The following CA5B variants were observed in gnomAD, a reference collection of about 807,000 sequenced individuals.
The protein encoded by CA5B is carbonic anhydrase 5B, also known as carbonic anhydrase 5B, mitochondrial.
Under a neutral mutation model 23.1 loss-of-function variants are expected in CA5B, and 15 were observed. That is an observed-to-expected ratio of 0.65 (90% CI 0.43 to 1.00). CA5B has a LOEUF of 1.00. Among genes scored for constraint, CA5B ranks in the 50% least tolerant of loss-of-function variants. The pLI, the probability that CA5B is intolerant of heterozygous loss-of-function variation, is 0.00. For synonymous variants in CA5B, 84 were observed against 98.5 expected (o/e 0.85, Z 0.87); for missense variants, 236 against 252.2 (o/e 0.94, Z 0.43).
At position 15,750,038 on chromosome X, in the gene CA5B, C is replaced by T. The variant is rs777433637; in HGVS notation, c.15C>T (p.Asn5=). 8 of 1,205,666 alleles carry T rather than the reference C, an allele frequency of 6.6e-6. No homozygotes were observed. The highest frequency in any genetic ancestry group is 2.3e-4 in the Middle Eastern group (1 of 4,345). Residue 5 remains asparagine, a synonymous_variant, in exon 2 of 8, where the codon AAC becomes AAT. Transcript: ENST00000318636. The part of the protein sequence containing the change: MVVM[N]SLRVILQASP... Reference sequence around the variant, plus strand: ...TCAAGCTAAAGATGGTGGTGATGAACAGCCTGAGGGTCATTCTTCAAGCCT... The same window carrying T: ...TCAAGCTAAAGATGGTGGTGATGAATAGCCTGAGGGTCATTCTTCAAGCCT...
chrX:15,772,679 T>C (rs910594280), intron 4 of CA5B, 65 bp downstream of exon 4: 3 of 591,013 alleles, frequency 5.1e-6, no homozygotes, highest in South Asian at 3.7e-5. Flanking sequence ...GAACTTTTAG[T>C]TGTAAGACAT....
chrX:15,760,322 T>A (rs1214816184), intron 2 of CA5B, among the ~76,000 whole-genome samples: 1 of 110,571 alleles, frequency 9.0e-6, no homozygotes, highest in Non-Finnish European at 1.9e-5. Context: ...TGGCAAAAAA[T>A]TGGCTTCAGT....
chrX:15,766,872 C>A, intron 3 of CA5B: 1 of 295,466 alleles, frequency 3.4e-6, no homozygotes, highest in Non-Finnish European at 6.5e-6. Context: ...TTTATTATAC[C>A]CCTCATCATG....
chrX:15,750,030 G>A lies in CA5B; in HGVS notation c.7G>A (p.Val3Met), dbSNP rs150225380. 11 of 1,207,762 alleles carry A rather than the reference G, an allele frequency of 9.1e-6. No homozygotes were observed. The highest frequency in any genetic ancestry group is 2.2e-5 in the Admixed American group (1 of 45,371). Residue 3 changes from valine (V) to methionine (M), a missense_variant, in exon 2 of 8, where the codon GTG becomes ATG. This residue lies in a region of CA5B where 54 missense variants were observed against 46.6 expected (regional missense o/e 1.16). Coordinates refer to ENST00000318636, the MANE Select transcript of CA5B (RefSeq NM_007220.4). Reference protein sequence around the residue: MVVMNSLRVILQA... With the variant: MVMMNSLRVILQA... The stretch of plus-strand genomic sequence containing the variant: ...TCAAGATTTCAAGCTAAAGATGGTG[G>A]TGATGAACAGCCTGAGGGTCATTCT...
intron 1 of CA5B, among the ~76,000 whole-genome samples, chrX:15,744,898 G>A (rs1467129610): frequency 1.8e-5 from 2 of 111,043 alleles, no homozygotes. Context: ...GGCCAGGCAC[G>A]GTGGCTCATG....
At chrX:15,775,157 CAGGT>C (rs1391398571) in intron 5 of CA5B, 85 bp from the exon 6 acceptor site, 1 of 610,878 alleles carries the variant, frequency 1.6e-6, no homozygotes, top group Non-Finnish European at 2.5e-6. Context: ...ATGTAATCAC[CAGGT>C]AGTTAATTTT....
rs983271674 is a variant in CA5B at position 15,786,530 on chromosome X, G to T, written c.*3866G>T. 9.0e-6 allele frequency: 1 copy of T among 110,913 alleles called. No homozygotes were observed. The highest frequency in any genetic ancestry group is 1.9e-5 in the Non-Finnish European group (1 of 53,003). 9.1% of individuals were successfully genotyped at this position (110,913 alleles called of 1,213,427 possible). On this transcript the variant is annotated 3_prime_UTR_variant, in exon 8 of 8. Transcript: ENST00000318636. ...TCCTAGACATAAAGGTGGAAAATGG[G>T]CCTAAGGTCTGTCAAAGGTCTTGGA...
chrX:15,757,358 A>T (rs1476165396), intron 2 of CA5B, among the ~76,000 whole-genome samples: 2 of 112,071 alleles, frequency 1.8e-5, no homozygotes. Flanking sequence ...CTACTAAAAA[A>T]TAGAAAAATT....
At chrX:15,771,552 G>A (rs1931820792) in intron 3 of CA5B, among the ~76,000 whole-genome samples, 2 of 107,394 alleles carry the variant, frequency 1.9e-5, no homozygotes, top group Admixed American at 2.0e-4. Context: ...TCAGCCACCT[G>A]AGTAGCTGGG....
chrX:15,756,346 T>C (rs962286895), intron 2 of CA5B, among the ~76,000 whole-genome samples: 2 of 112,282 alleles, frequency 1.8e-5, no homozygotes, highest in African/African-American at 6.5e-5. Flanking sequence ...CTGTGCCTTG[T>C]ACCAAGTAAA....
Position 15,772,607 on chromosome X carries a change from C to G in CA5B, c.452C>G (p.Pro151Arg). Residue 151 changes from proline (P) to arginine (R), a missense_variant, in exon 4 of 8, where the codon CCA becomes CGA. By Grantham distance (103) the Pro-to-Arg change is moderately radical (BLOSUM62 -2). Around this residue, in one of 3 missense-constraint regions of CA5B, gnomAD observed 170 missense variants for 162.0 expected, o/e 1.05. Transcript: ENST00000318636. ...SEHTVDSKCF[P>R]AELHLVHWNA... ...CACACCGTGGACAGCAAATGCTTCC[C>G]AGCAGAGGTATGTTGAGAAGGTCAG... 8.7e-7 allele frequency: 1 copy of G among 1,152,951 alleles called. No homozygotes were observed. The highest frequency in any genetic ancestry group is 1.8e-5 in the South Asian group (1 of 54,186).
At chrX:15,745,719 T>TC (rs992826521) in intron 1 of CA5B, 1 of 111,646 alleles carries the variant, frequency 9.0e-6, no homozygotes, top group Non-Finnish European at 1.9e-5. Context: ...AGGCAAGCTT[T>TC]CCCCATATCT....
chrX:15,754,467 T>C lies in CA5B; in HGVS notation c.142+4302T>C, dbSNP rs765858905. ...AGGTCAGCCCTGTGCTCTGTGCTCA[T>C]CATATCTTTGAATCTTTGGCTGTCA... On this transcript the variant is annotated intron_variant, in intron 2 of 7. Coordinates refer to ENST00000318636, the MANE Select transcript of CA5B (RefSeq NM_007220.4). 7.1e-5 allele frequency among the ~76,000 whole-genome samples: 8 copies of C among 112,822 alleles called. No individual in the cohort carries two copies. The South Asian group carries it at 2.9e-3, about 41-fold the overall frequency.
At chrX:15,747,808 C>T (rs149446737) in intron 1 of CA5B, among the ~76,000 whole-genome samples, 2 of 111,029 alleles carry the variant, frequency 1.8e-5, no homozygotes, top group Non-Finnish European at 3.8e-5. Context: ...GGGGTAAATA[C>T]CCTGGGTTCG....
chrX:15,772,083 G>A (rs1379404450), intron 3 of CA5B, among the ~76,000 whole-genome samples: 1 of 111,899 alleles, frequency 8.9e-6, no homozygotes, highest in Non-Finnish European at 1.9e-5. Flanking sequence ...AGCAACACTA[G>A]TATCTTCAAA....
rs893789039 is a variant in CA5B at position 15,775,939 on chromosome X, C to T, written c.618+631C>T. 4 of 748,391 alleles carry T rather than the reference C, an allele frequency of 5.3e-6. No homozygotes were observed. The African/African-American group carries it at 9.4e-5, about 18-fold the overall frequency. The allele number at this position is 748,391 out of a possible 1,213,427, so 61.7% of individuals were successfully genotyped here. ...CCTACCTCTTTCCCTCTCCTCTCAT[C>T]TCCATTTTCCTGTTTTTCCCTCTCT... is the stretch of plus-strand genomic sequence containing the variant. On this transcript the variant is annotated intron_variant, in intron 6 of 7. Transcript: ENST00000318636.
intron 1 of CA5B, among the ~76,000 whole-genome samples, chrX:15,748,388 C>T (rs1307244601): frequency 2.7e-5 from 3 of 111,424 alleles, no homozygotes; most frequent in African/African-American, 9.8e-5. Context: ...ACTCCCATAT[C>T]CTCACTATCT....
At chrX:15,776,938 G>C (rs1931944161) in intron 7 of CA5B, 69 bp downstream of exon 7, 3 of 925,015 alleles carry the variant, frequency 3.2e-6, no homozygotes, top group Non-Finnish European at 4.6e-6. Flanking sequence ...GCTGGGCTCA[G>C]ACTGTGGCAT....
intron 2 of CA5B, among the ~76,000 whole-genome samples, chrX:15,761,722 G>T (rs749699551): frequency 3.0e-4 from 33 of 109,890 alleles, no homozygotes; most frequent in Non-Finnish European, 5.7e-4. Flanking sequence ...TTGTCTTGTC[G>T]GGGGGAGCCC....
Sources: gnomAD v4.1 joint callset for allele counts (sites outside exome capture counted in the v4.1 genomes callset) on GRCh38, gnomAD v4.1.1 for gene constraint, gnomAD v4.1.1 regional missense constraint, MANE v1.5 for transcripts, NCBI Gene and HGNC (gene_info 2026-07-23, HGNC 2026-07-21) for gene names.